GSDMC: variants seen among roughly 807,000 people sequenced by gnomAD.
GSDMC encodes gasdermin C.
In GSDMC, 59 loss-of-function variants were observed where a neutral mutation model predicts 58.0. That is an observed-to-expected ratio of 1.02 (90% CI 0.82 to 1.26). GSDMC has a LOEUF of 1.26. Ranked by LOEUF, GSDMC falls within the 50% of genes most tolerant of loss-of-function variation. The pLI, the probability that GSDMC is intolerant of heterozygous loss-of-function variation, is 0.00. For synonymous variants in GSDMC, 241 were observed against 220.2 expected (o/e 1.09, Z -0.83); for missense variants, 659 against 598.5 (o/e 1.10, Z -1.06).
chr8:129,763,523 C>A (rs2033748506), intron 4 of GSDMC, among the ~76,000 whole-genome samples: 1 of 152,104 alleles, frequency 6.6e-6, no homozygotes, highest in East Asian at 1.9e-4. Context: ...TTTGTTCTCC[C>A]CTTCTGGAAC....
At position 129,777,376 on chromosome 8, in the gene GSDMC, G is replaced by T; in HGVS notation, c.212C>A (p.Ser71Ter). The stretch of plus-strand genomic sequence containing the variant: ...CCTCTGGCTGACAATACCTAGGACT[G>T]AAGAACTTGGCTCCAGGATGTCATT... ...SLNDILEPSS[S>*]VLETVVTGPF... Residue 71 changes from serine to a stop codon, truncating the protein, a stop_gained, in exon 2 of 14, where the codon TCA becomes TAA. Transcript: ENST00000276708. LOFTEE classifies it high-confidence loss of function. 4 of 1,606,410 alleles carry T rather than the reference G, an allele frequency of 2.5e-6. No homozygotes were observed. The highest frequency in any genetic ancestry group is 3.4e-6 in the Non-Finnish European group (4 of 1,173,068).
At chr8:129,768,838 G>C (rs1414778747) in intron 3 of GSDMC, among the ~76,000 whole-genome samples, 1 of 152,178 alleles carries the variant, frequency 6.6e-6, no homozygotes, top group African/African-American at 2.4e-5. Context: ...CCAGCACTTT[G>C]GGAGACCAAG....
At chr8:129,748,927 A>T (rs558531970) in intron 13 of GSDMC, among the ~76,000 whole-genome samples, 187 bp from the exon 14 acceptor site, 2 of 152,128 alleles carry the variant, frequency 1.3e-5, no homozygotes, top group Admixed American at 6.6e-5. Flanking sequence ...ATCAGGGAGC[A>T]TTGGTTCCAC....
chr8:129,715,851 T>C, the GSDMC span, among the ~76,000 whole-genome samples: 1 of 152,170 alleles, frequency 6.6e-6, no homozygotes, highest in Admixed American at 6.5e-5. Context: ...AATAACAATG[T>C]AGTACAGGTT....
chr8:129,737,630 T>C, the GSDMC span, among the ~76,000 whole-genome samples: 1 of 152,250 alleles, frequency 6.6e-6, no homozygotes, highest in South Asian at 2.1e-4. Flanking sequence ...TGAAACTGGA[T>C]CCCTTCCTTC....
At chr8:129,729,279 G>A in the GSDMC span, 26 of 609,062 alleles carry the variant, frequency 4.3e-5, no homozygotes, top group Admixed American at 2.9e-4. Context: ...AGTATTGGGG[G>A]TTCAGAAGCC....
At chr8:129,729,255 G>T in the GSDMC span, 1 of 628,872 alleles carries the variant, frequency 1.6e-6, no homozygotes, top group East Asian at 3.4e-5. Flanking sequence ...GGTGGACTTA[G>T]ACATGTATCT....
intron 4 of GSDMC, 51 bp from the exon 5 acceptor site, chr8:129,762,782 G>T: frequency 8.0e-7 from 1 of 1,252,184 alleles, no homozygotes; most frequent in Non-Finnish European, 1.2e-6. Context: ...AATTTTAAAG[G>T]TCAGATGGCT....
At chr8:129,713,219 T>A in the GSDMC span, among the ~76,000 whole-genome samples, 1 of 152,210 alleles carries the variant, frequency 6.6e-6, no homozygotes, top group East Asian at 1.9e-4. Context: ...CTGACAGAGA[T>A]GTCTCTGAGA....
chr8:129,731,414 G>A, the GSDMC span, among the ~76,000 whole-genome samples: 1 of 152,264 alleles, frequency 6.6e-6, no homozygotes, highest in Non-Finnish European at 1.5e-5. Context: ...CTGCTAGGGT[G>A]TGAGCAAAAC....
chr8:129,765,629 T>C lies in GSDMC; in HGVS notation c.569A>G (p.Lys190Arg). Reference sequence around the variant, plus strand: ...TCCCACTTCAGGACAACTTTATACCTTGCCATAGGTAATCCAAAGAGCAAT... The same window carrying C: ...TCCCACTTCAGGACAACTTTATACCCTGCCATAGGTAATCCAAAGAGCAAT... The part of the protein sequence containing the change: ...GKIALWITYG[K>R]GQGQGESLRV... The change falls in exon 4 of 14, where the codon AAG becomes AGG. Residue 190 changes from lysine to arginine, a missense_variant and splice_region_variant. Lys to Arg is a conservative substitution (Grantham distance 26). Coordinates refer to ENST00000276708, the MANE Select transcript of GSDMC (RefSeq NM_031415.3). 6.2e-7 allele frequency: 1 copy of C among 1,611,542 alleles called. No individual in the cohort carries two copies. Among genetic ancestry groups the C allele is most frequent in the East Asian group, 2.2e-5 (1 of 44,866 alleles).
intron 1 of GSDMC, among the ~76,000 whole-genome samples, chr8:129,785,491 C>T (rs1979475): frequency 0.67 from 101,572 of 151,360 alleles, 35,866 homozygotes; most frequent in African/African-American, 0.9. Context: ...ATCTAGTATT[C>T]GATAGCACAA....
At chr8:129,746,154 C>A (rs2032957305), downstream of GSDMC, among the ~76,000 whole-genome samples, 1 of 152,034 alleles carries the variant, frequency 6.6e-6, no homozygotes, top group African/African-American at 2.4e-5. Flanking sequence ...GGAATCAATT[C>A]AGGTAGAAAA....
intron 2 of GSDMC, among the ~76,000 whole-genome samples, chr8:129,776,573 A>T (rs986154088): frequency 6.6e-6 from 1 of 152,216 alleles, no homozygotes; most frequent in Admixed American, 6.5e-5. Flanking sequence ...CCCTGGGATC[A>T]TCCTTTCAGG....
the GSDMC span, among the ~76,000 whole-genome samples, chr8:129,717,617 G>T: frequency 7.2e-5 from 11 of 152,164 alleles, no homozygotes; most frequent in Non-Finnish European, 1.5e-4. Context: ...TAGATTTGAT[G>T]CTATGCCCCT....
chr8:129,713,957 T>C, the GSDMC span, among the ~76,000 whole-genome samples: 1,231 of 152,296 alleles, frequency 8.1e-3, 10 homozygotes, highest in Non-Finnish European at 0.014. Context: ...CACTAAATGC[T>C]AAGTAAAGAT....
intron 4 of GSDMC, among the ~76,000 whole-genome samples, chr8:129,763,758 T>G (rs1172009707): frequency 6.6e-6 from 1 of 152,092 alleles, no homozygotes; most frequent in African/African-American, 2.4e-5. Context: ...TTGTTTATAT[T>G]TTGTAGAGAC....
chr8:129,764,466 C>G (rs187451947), intron 4 of GSDMC, among the ~76,000 whole-genome samples: 145 of 152,320 alleles, frequency 9.5e-4, no homozygotes, highest in South Asian at 3.9e-3. Context: ...AATGTCCCCA[C>G]TCTCAATGAG....
At chr8:129,714,745 G>A in the GSDMC span, among the ~76,000 whole-genome samples, 2 of 149,800 alleles carry the variant, frequency 1.3e-5, no homozygotes, top group African/African-American at 4.9e-5. Flanking sequence ...GTCACCAGCA[G>A]ACCTGCTTGA....
Sources: allele counts gnomAD v4.1 joint callset (sites outside exome capture counted in the v4.1 genomes callset), GRCh38; gene constraint gnomAD v4.1.1; transcripts MANE v1.5; gene names NCBI Gene and HGNC (gene_info 2026-07-23, HGNC 2026-07-21).